Variants in GOLGB1 observed in about 807,000 individuals in gnomAD.
GOLGB1 encodes the protein golgin subfamily B member 1.
In GOLGB1, 174 loss-of-function variants were observed where a neutral mutation model predicts 336.9. The ratio of observed to expected loss-of-function variants is 0.52; its 90% CI spans 0.46 to 0.59. The LOEUF is 0.59. Ranked by LOEUF, GOLGB1 falls within the 20% of genes least tolerant of loss-of-function variation. GOLGB1 has a pLI of 0.00. For synonymous variants in GOLGB1, 1,208 were observed against 1,289.2 expected, an observed-to-expected ratio of 0.94 and a Z score of 1.35; for missense variants, 3,331 against 3,645.3, an observed-to-expected ratio of 0.91 and a Z score of 2.22.
chr3:121,729,735 G>T, intron 3 of GOLGB1, 130 bp downstream of exon 3: 1 of 678,642 alleles, frequency 1.5e-6, no homozygotes, highest in Non-Finnish European at 2.4e-6. Context: ...TTTTCAGTAG[G>T]CATAAGGTTA....
Position 121,698,502 on chromosome 3 carries a change from T to A in GOLGB1, c.2021A>T (p.Asp674Val). ...VELKSTKQDG[D>V]KSLSAVPDIG... ...ATCTGGTACAGCAGAAAGGGATTTA[T>A]CACCATCCTGCTTTGTTGATTTCAA... is the stretch of plus-strand genomic sequence containing the variant. The change falls in exon 13 of 22, where the codon GAT becomes GTT. Residue 674 changes from aspartate to valine, a missense_variant. Asp to Val is a radical substitution (Grantham distance 152). Coordinates refer to ENST00000614479, the MANE Select transcript of GOLGB1 (RefSeq NM_001366282.2). The A allele has an allele frequency of 6.2e-7, 1 of 1,613,030 alleles. No individual in the cohort carries two copies. Among genetic ancestry groups the A allele is most frequent in the Non-Finnish European group, 8.5e-7 (1 of 1,179,068 alleles).
intron 6 of GOLGB1, among the ~76,000 whole-genome samples, chr3:121,721,108 A>G (rs75275820): frequency 0.13 from 19,292 of 152,180 alleles, 1,442 homozygotes; most frequent in African/African-American, 0.19. Context: ...ACACAATAAA[A>G]AATAAATAAA....
At chr3:121,744,794 G>A (rs1947133186) in intron 1 of GOLGB1, among the ~76,000 whole-genome samples, 1 of 152,062 alleles carries the variant, frequency 6.6e-6, no homozygotes, top group Non-Finnish European at 1.5e-5. Context: ...GTACTGTTCA[G>A]GCAGGACAAA....
chr3:121,713,705 T>C (rs1157432589), intron 10 of GOLGB1, among the ~76,000 whole-genome samples: 1 of 152,148 alleles, frequency 6.6e-6, no homozygotes, highest in East Asian at 1.9e-4. Flanking sequence ...GTAACACAGG[T>C]GTATGCATTT....
chr3:121,746,718 G>GATCC (rs900770758), intron 1 of GOLGB1, among the ~76,000 whole-genome samples: 24 of 152,226 alleles, frequency 1.6e-4, no homozygotes, highest in African/African-American at 5.8e-4. Context: ...GACTCCAAGT[G>GATCC]ATCCACTCGC....
At chr3:121,713,666 A>C (rs1352907879) in intron 10 of GOLGB1, among the ~76,000 whole-genome samples, 1 of 152,184 alleles carries the variant, frequency 6.6e-6, no homozygotes, top group East Asian at 1.9e-4. Context: ...AGGTGATGGT[A>C]ATGTGATATA....
intron 1 of GOLGB1, among the ~76,000 whole-genome samples, chr3:121,743,626 T>C (rs1173303510): frequency 6.6e-6 from 1 of 152,014 alleles, no homozygotes; most frequent in African/African-American, 2.4e-5. Flanking sequence ...AAAAATACAG[T>C]TAATCAAAAT....
At chr3:121,669,388 C>A in intron 17 of GOLGB1, 33 bp from the exon 18 acceptor site, 1 of 1,592,040 alleles carries the variant, frequency 6.3e-7, no homozygotes, top group Non-Finnish European at 8.6e-7. Context: ...CATCATCCTG[C>A]AGTACTGTAA....
chr3:121,665,286 CAT>C (rs1242141101), intron 20 of GOLGB1, among the ~76,000 whole-genome samples: 2 of 152,226 alleles, frequency 1.3e-5, no homozygotes, highest in African/African-American at 4.8e-5. Flanking sequence ...GGGTGCTTTA[CAT>C]ACATTTAATC....
At chr3:121,741,278 T>C (rs1946834588) in intron 1 of GOLGB1, among the ~76,000 whole-genome samples, 2 of 152,124 alleles carry the variant, frequency 1.3e-5, no homozygotes, top group South Asian at 2.1e-4. Flanking sequence ...GTGGTGAGCA[T>C]TAAATATACG....
At chr3:121,706,869 T>G (rs1244670966) in intron 10 of GOLGB1, among the ~76,000 whole-genome samples, 2 of 151,662 alleles carry the variant, frequency 1.3e-5, no homozygotes, top group Non-Finnish European at 2.9e-5. Context: ...AAAATAATCT[T>G]TCAACAACAA....
At chr3:121,668,389 T>C in intron 18 of GOLGB1, 1 of 331,742 alleles carries the variant, frequency 3.0e-6, no homozygotes, top group African/African-American at 2.2e-5. Flanking sequence ...AAAAGTTAAG[T>C]CTGGGCCGGG....
chr3:121,721,654 G>A (rs749301762), intron 6 of GOLGB1, among the ~76,000 whole-genome samples: 18 of 152,018 alleles, frequency 1.2e-4, no homozygotes, highest in Non-Finnish European at 2.1e-4. Context: ...ATGTGGGAGT[G>A]CGTGGCCAAC....
intron 10 of GOLGB1, among the ~76,000 whole-genome samples, chr3:121,711,627 T>C (rs1944364303): frequency 6.6e-6 from 1 of 152,158 alleles, no homozygotes; most frequent in African/African-American, 2.4e-5. Context: ...ATAAAATTAA[T>C]TTGTTTATCA....
At chr3:121,725,422 G>A (rs1051632867) in intron 5 of GOLGB1, among the ~76,000 whole-genome samples, 1 of 152,152 alleles carries the variant, frequency 6.6e-6, no homozygotes, top group African/African-American at 2.4e-5. Flanking sequence ...CTTGCTTGGG[G>A]TCTGTTACTC....
intron 14 of GOLGB1, 54 bp downstream of exon 14, chr3:121,690,616 A>T: frequency 1.1e-6 from 1 of 903,696 alleles, no homozygotes; most frequent in Non-Finnish European, 1.6e-6. Flanking sequence ...AATAAATTTA[A>T]AGAAAGGTTC....
intron 14 of GOLGB1, among the ~76,000 whole-genome samples, chr3:121,686,660 CAT>C (rs1046786773): frequency 7.8e-5 from 6 of 77,036 alleles, no homozygotes; most frequent in Non-Finnish European, 1.0e-4. Context: ...AGAAATTAAA[CAT>C]ATACACACAC....
chr3:121,709,255 C>A (rs1356963416), intron 10 of GOLGB1, among the ~76,000 whole-genome samples: 1 of 151,970 alleles, frequency 6.6e-6, no homozygotes, highest in East Asian at 1.9e-4. Flanking sequence ...AGATTTCAAC[C>A]CCCTCTTAGC....
In GOLGB1 at chr3:121,698,917, C is replaced by A; in HGVS notation, c.1606G>T (p.Asp536Tyr). 1 of 1,554,624 alleles carries A rather than the reference C, an allele frequency of 6.4e-7. No individual in the cohort carries two copies. The change falls in exon 13 of 22, where the codon GAT becomes TAT. Residue 536 changes from aspartate (D) to tyrosine (Y), a missense_variant. Coordinates refer to ENST00000614479, the MANE Select transcript of GOLGB1 (RefSeq NM_001366282.2). ...DREVSEISIV[D>Y]IANKRSSSAE... ...GAAGAGCTCCTCTTGTTGGCAATATCAACAATGCTGATCTATTTTTAAAAA... is the reference window on the plus strand; with the variant it reads ...GAAGAGCTCCTCTTGTTGGCAATATAAACAATGCTGATCTATTTTTAAAAA...
Sources: allele counts gnomAD v4.1 joint callset (sites outside exome capture counted in the v4.1 genomes callset), GRCh38; gene constraint gnomAD v4.1.1; transcripts MANE v1.5; gene names NCBI Gene and HGNC (gene_info 2026-07-23, HGNC 2026-07-21).